Variants in RORA observed in about 807,000 individuals in gnomAD.
The protein encoded by RORA is RAR related orphan receptor A.
RORA carries 7 observed loss-of-function variants against 69.5 expected under a neutral mutation model. The ratio of observed to expected loss-of-function variants is 0.10; its 90% confidence interval spans 0.06 to 0.19. The LOEUF (loss-of-function observed/expected upper bound fraction) is 0.19, where lower values mean the gene tolerates loss of function less well. RORA is among the 10% of genes least tolerant of loss of function. The probability of loss-of-function intolerance (pLI) is 1.00; values close to 1 mark genes in which losing one functional copy is unlikely to be tolerated. For synonymous variants in RORA, 261 were observed against 240.8 expected, an observed-to-expected ratio of 1.08 and a Z score of -0.78; for missense variants, 457 against 663.0, an observed-to-expected ratio of 0.69 and a Z score of 3.41.
At chr15:60,540,170 C>T (rs1189572739) in intron 2 of RORA, among the ~76,000 whole-genome samples, 4 of 152,150 alleles carry the variant, frequency 2.6e-5, no homozygotes, top group South Asian at 2.1e-4. Flanking sequence ...TATTTTCTTG[C>T]GATCAACCTC....
At chr15:61,132,640 T>A (rs1342431668) in intron 1 of RORA, among the ~76,000 whole-genome samples, 3 of 152,214 alleles carry the variant, frequency 2.0e-5, no homozygotes, top group Non-Finnish European at 4.4e-5. Context: ...TTAGCAATTA[T>A]AAACATAAAT....
chr15:60,957,996 GAAT>G (rs1250278176), intron 1 of RORA, among the ~76,000 whole-genome samples: 26 of 151,228 alleles, frequency 1.7e-4, no homozygotes, highest in Non-Finnish European at 3.5e-4. Flanking sequence ...CTTGAAATGA[GAAT>G]AATTAGCCAA....
At chr15:61,163,396 T>C (rs924996328) in intron 1 of RORA, among the ~76,000 whole-genome samples, 1 of 152,158 alleles carries the variant, frequency 6.6e-6, no homozygotes, top group Non-Finnish European at 1.5e-5. Context: ...CAAGTCAGTT[T>C]TCCAGAAGAC....
intron 1 of RORA, among the ~76,000 whole-genome samples, chr15:60,856,482 T>A (rs1405801277): frequency 1.0e-5 from 1 of 97,458 alleles, no homozygotes; most frequent in South Asian, 4.7e-4. Context: ...TTTTAAAGAA[T>A]CACTGACCTT....
chr15:61,002,073 T>C (rs1308907083), intron 1 of RORA, among the ~76,000 whole-genome samples: 1 of 152,222 alleles, frequency 6.6e-6, no homozygotes, highest in Admixed American at 6.5e-5. Flanking sequence ...TGAGGCGGGC[T>C]GACTGGTTTC....
chr15:61,063,570 T>G (rs1280614920), intron 1 of RORA, among the ~76,000 whole-genome samples: 1 of 152,206 alleles, frequency 6.6e-6, no homozygotes, highest in Non-Finnish European at 1.5e-5. Flanking sequence ...AGAATCAGAT[T>G]AGCCTGGGTG....
At chr15:60,774,270 C>G (rs2072126657) in intron 1 of RORA, among the ~76,000 whole-genome samples, 1 of 152,204 alleles carries the variant, frequency 6.6e-6, no homozygotes, top group African/African-American at 2.4e-5. Context: ...CTGCGTAGTA[C>G]TTTTCAATGT....
chr15:60,853,199 T>C (rs2073344367), intron 1 of RORA, among the ~76,000 whole-genome samples: 2 of 152,150 alleles, frequency 1.3e-5, no homozygotes, highest in Non-Finnish European at 2.9e-5. Flanking sequence ...GAAAAGAAAG[T>C]GCTGCCACCC....
intron 1 of RORA, among the ~76,000 whole-genome samples, chr15:61,165,982 G>A (rs2079536899): frequency 6.6e-6 from 1 of 152,214 alleles, no homozygotes; most frequent in Non-Finnish European, 1.5e-5. Context: ...AGTGGCAGAA[G>A]TCTGACCTGA....
chr15:61,023,957 A>T (rs1423197626), intron 1 of RORA, among the ~76,000 whole-genome samples: 1 of 152,152 alleles, frequency 6.6e-6, no homozygotes, highest in East Asian at 1.9e-4. Context: ...ATCAACCCCA[A>T]TTTGGCATGT....
chr15:61,086,355 A>T (rs1004009041), intron 1 of RORA, among the ~76,000 whole-genome samples: 2 of 152,246 alleles, frequency 1.3e-5, no homozygotes, highest in African/African-American at 4.8e-5. Flanking sequence ...ATTTTGACCG[A>T]TCTGAAATTC....
At chr15:61,142,409 G>A (rs1284001987) in intron 1 of RORA, among the ~76,000 whole-genome samples, 1 of 152,154 alleles carries the variant, frequency 6.6e-6, no homozygotes, top group Non-Finnish European at 1.5e-5. Flanking sequence ...GACATATTTA[G>A]GGAAGCACTG....
intron 1 of RORA, among the ~76,000 whole-genome samples, chr15:60,880,552 T>C (rs538842738): frequency 8.5e-5 from 13 of 152,136 alleles, no homozygotes; most frequent in Non-Finnish European, 1.9e-4. Context: ...GGCAGGAGAA[T>C]GGCTTGAACC....
chr15:60,648,000 TAAG>T (rs2070081390), intron 2 of RORA, among the ~76,000 whole-genome samples: 1 of 152,042 alleles, frequency 6.6e-6, no homozygotes, highest in Non-Finnish European at 1.5e-5. Context: ...AAGGCTTATA[TAAG>T]GAGGATGGAG....
chr15:60,984,542 A>C (rs1894139978), intron 1 of RORA, among the ~76,000 whole-genome samples: 1 of 152,068 alleles, frequency 6.6e-6, no homozygotes, highest in African/African-American at 2.4e-5. Context: ...TAATGTCTAC[A>C]AACAATTTAC....
At chr15:61,088,235 G>A (rs2078654120) in intron 1 of RORA, among the ~76,000 whole-genome samples, 1 of 152,216 alleles carries the variant, frequency 6.6e-6, no homozygotes, top group South Asian at 2.1e-4. Context: ...ACAACCTGTG[G>A]AAGTCTGCTC....
At chr15:60,584,773 C>T (rs1441842650) in intron 2 of RORA, among the ~76,000 whole-genome samples, 1 of 151,762 alleles carries the variant, frequency 6.6e-6, no homozygotes, top group Non-Finnish European at 1.5e-5. Context: ...ATGAAAATAA[C>T]ATTCTGTGAA....
intron 4 of RORA, among the ~76,000 whole-genome samples, chr15:60,512,576 T>C (rs1474201567): frequency 1.3e-5 from 2 of 152,166 alleles, no homozygotes; most frequent in African/African-American, 4.8e-5. Flanking sequence ...AAGTGTGAGC[T>C]ACCACTCCCA....
At chr15:60,838,246 C>G (rs1293143479) in intron 1 of RORA, among the ~76,000 whole-genome samples, 7 of 151,872 alleles carry the variant, frequency 4.6e-5, no homozygotes, top group African/African-American at 1.7e-4. Flanking sequence ...TATCTACCAA[C>G]AACCCTAGAA....
Sources: gnomAD v4.1 joint callset for allele counts (sites outside exome capture counted in the v4.1 genomes callset) on GRCh38, gnomAD v4.1.1 for gene constraint, MANE v1.5 for transcripts, NCBI Gene and HGNC (gene_info 2026-07-23, HGNC 2026-07-21) for gene names.